SLC49A3: variants seen among roughly 807,000 people sequenced by gnomAD.
SLC49A3 encodes solute carrier family 49 member A3.
Under a neutral mutation model 43.8 loss-of-function variants are expected in SLC49A3, and 50 were observed. The observed-to-expected ratio is 1.14, with a 90% CI of 0.91 to 1.45. The LOEUF (loss-of-function observed/expected upper bound fraction) is 1.45, where lower values mean the gene tolerates loss of function less well. Ranked by LOEUF, SLC49A3 falls within the 40% of genes most tolerant of loss-of-function variation. SLC49A3 has a pLI of 0.00. For missense variants in SLC49A3, 906 were observed against 774.1 expected (o/e 1.17, Z -2.02); for synonymous variants, 413 against 352.0 (o/e 1.17, Z -1.94).
At chr4:680,076 C>A, downstream of SLC49A3, 1 of 1,387,468 alleles carries the variant, frequency 7.2e-7, no homozygotes, top group Non-Finnish European at 1.0e-6. Flanking sequence ...GTTAGAGATC[C>A]GGACATTTCA....
At chr4:690,244 G>T (rs1271672711), upstream of SLC49A3, among the ~76,000 whole-genome samples, 2 of 150,674 alleles carry the variant, frequency 1.3e-5, no homozygotes, top group Non-Finnish European at 2.9e-5. Context: ...GTCTCATCCA[G>T]TAACAAAGAG....
At chr4:686,905 G>A (rs370521724) in intron 1 of SLC49A3, among the ~76,000 whole-genome samples, 6 of 152,214 alleles carry the variant, frequency 3.9e-5, no homozygotes, top group Admixed American at 2.0e-4. Context: ...TGCCCTGACC[G>A]GGGACCAGCC....
At chr4:678,869 T>C, downstream of SLC49A3, 1 of 1,608,702 alleles carries the variant, frequency 6.2e-7, no homozygotes, top group Non-Finnish European at 8.5e-7. Flanking sequence ...AAGCCTATCC[T>C]CAGTCAGGGG....
In SLC49A3 at chr4:681,917, T is replaced by G; in HGVS notation, c.*41A>C. ...GGTGGACCAGATGTTCCAGTTCGCC[T>G]CCATCGATGTGGCGGGCAACCTGGA... On this transcript the variant is annotated 3_prime_UTR_variant, in exon 10 of 10. Coordinates refer to ENST00000322224, the MANE Select transcript of SLC49A3 (RefSeq NM_032219.4). 7.6e-7 allele frequency: 1 copy of G among 1,319,418 alleles called. No homozygotes were observed. Among genetic ancestry groups the G allele is most frequent in the Non-Finnish European group, 9.8e-7 (1 of 1,024,372 alleles). The allele number at this position is 1,319,418 out of a possible 1,614,324, so 81.7% of individuals were successfully genotyped here.
Position 684,776 on chromosome 4 carries a change from C to T in SLC49A3, c.666G>A (p.Pro222=), listed in dbSNP as rs771658038. 6.8e-6 allele frequency: 11 copies of T among 1,612,222 alleles called. No individual in the cohort carries two copies. The African/African-American group carries it at 9.3e-5, about 14-fold the overall frequency. ...ICLWESVPPT[P]PSAGAASSTS... ...TGGAGCTGGCAGCCCCGGCAGAGGGCGGGGTGGGGGGCACACTCTCCCACA... is the reference window on the plus strand; with the variant it reads ...TGGAGCTGGCAGCCCCGGCAGAGGGTGGGGTGGGGGGCACACTCTCCCACA... The change falls in exon 5 of 10, where the codon CCG becomes CCA. Residue 222 remains proline, a synonymous_variant. Transcript: ENST00000322224.
In SLC49A3 at chr4:685,168, C is replaced by T; in HGVS notation, c.586-312G>A. On this transcript the variant is annotated intron_variant, in intron 4 of 9. Coordinates refer to ENST00000322224, the MANE Select transcript of SLC49A3 (RefSeq NM_032219.4). This position sits in a 1 kb window ranked among gnomAD's most constrained non-coding sequence, Gnocchi z 4.3. The stretch of plus-strand genomic sequence containing the variant: ...ACAGCCCATGATAGGGCTCAACACA[C>T]AGACACAGGTGGGTGCAGAGGCACA... 1 of 455,738 alleles carries T rather than the reference C, an allele frequency of 2.2e-6. No homozygotes were observed. The highest frequency in any genetic ancestry group is 3.9e-6 in the Non-Finnish European group (1 of 254,460). 28.2% of individuals were successfully genotyped at this position (455,738 alleles called of 1,614,324 possible).
Position 682,145 on chromosome 4 carries a change from A to G in SLC49A3, c.1493T>C (p.Leu498Pro), listed in dbSNP as rs867847338. ...GCTCCCGGGCCCTCTGGGGTCCTCT[A>G]GCGAGGCCCCCCTCGCCGTGCACTC... ...TPECTARGAS[L>P]EDPRGPGSPH... The change falls in exon 10 of 10, where the codon CTA (leucine) becomes CCA (proline). Residue 498 changes from leucine (L) to proline (P), a missense_variant. By Grantham distance (98) the Leu-to-Pro change is moderately conservative. Transcript: ENST00000322224. 2.2e-6 allele frequency: 3 copies of G among 1,342,390 alleles called. No homozygotes were observed. The South Asian group carries it at 5.6e-5, about 25-fold the overall frequency. The allele number at this position is 1,342,390 out of a possible 1,614,324, so 83.2% of individuals were successfully genotyped here. A position where few individuals can be genotyped will look rare whatever the true frequency, so the allele number is the denominator to read the frequency against.
At chr4:690,208 CT>C (rs1377296839), upstream of SLC49A3, among the ~76,000 whole-genome samples, 1 of 151,300 alleles carries the variant, frequency 6.6e-6, no homozygotes, top group Non-Finnish European at 1.5e-5. Flanking sequence ...GAGCTCTCCA[CT>C]TTGGGATTTT....
At position 683,761 on chromosome 4, in the gene SLC49A3, C is replaced by T; in HGVS notation, c.841G>A (p.Gly281Arg). 6.4e-7 allele frequency: 1 copy of T among 1,560,178 alleles called. No homozygotes were observed. Reference sequence around the variant, plus strand: ...AGAGCGCCACAGAGGCCGGAAAACCCCTGGAGGAGGCGAGAAGAGGCCAGG... The same window carrying T: ...AGAGCGCCACAGAGGCCGGAAAACCTCTGGAGGAGGCGAGAAGAGGCCAGG... ...QILCASGHSSGFSGLCGALFI... is the reference protein window; with the variant it reads ...QILCASGHSSRFSGLCGALFI... The change falls in exon 7 of 10, where the codon GGG becomes AGG. Residue 281 changes from glycine to arginine, a missense_variant and splice_region_variant. Transcript: ENST00000322224.
At chr4:679,830 G>T, downstream of SLC49A3, 2 of 1,149,838 alleles carry the variant, frequency 1.7e-6, no homozygotes, top group Non-Finnish European at 2.6e-6. Context: ...CCATCTGCCT[G>T]CCTGGCCCTG....
downstream of SLC49A3, chr4:680,428 G>A (rs1044064095): frequency 2.8e-6 from 4 of 1,413,022 alleles, no homozygotes; most frequent in African/African-American, 1.4e-5. Flanking sequence ...TGGGGCAGGG[G>A]TCTCCCCTCC....
At chr4:679,957 AG>A (rs1560154439), downstream of SLC49A3, 1 of 1,613,782 alleles carries the variant, frequency 6.2e-7, no homozygotes, top group South Asian at 1.1e-5. Context: ...CCATGCTCAA[AG>A]AGGCCTCGGG....
chr4:679,087 T>C (rs1739159439), downstream of SLC49A3: 6 of 1,424,586 alleles, frequency 4.2e-6, no homozygotes, highest in East Asian at 1.6e-4. Context: ...AACACAGAGG[T>C]CCTCCAGCTC....
chr4:688,909 G>T, intron 1 of SLC49A3, 84 bp downstream of exon 1: 1 of 1,487,910 alleles, frequency 6.7e-7, no homozygotes, highest in South Asian at 1.3e-5. Flanking sequence ...CTGGCACCTC[G>T]GGCTGTGGCC....
At position 683,338 on chromosome 4, in the gene SLC49A3, G is replaced by T. The variant is rs762284203; in HGVS notation, c.1023C>A (p.Ala341=). The change falls in exon 8 of 10, where the codon GCC becomes GCA. Residue 341 remains alanine, a synonymous_variant. Transcript: ENST00000322224. ...CGAGCAGCGAGCAGGTGGCAGCCAG[G>T]GCAAGGGTCTGTCCCTGCAGCTGGG... ...LVSQLQGQTL[A]LAATCSLLGL... is the part of the protein sequence containing the mutation. The T allele has an allele frequency of 1.2e-6, 2 of 1,612,082 alleles. No homozygotes were observed. The highest frequency in any genetic ancestry group is 2.7e-5 in the African/African-American group (2 of 74,918).
chr4:678,278 G>A, downstream of SLC49A3: 1 of 1,454,526 alleles, frequency 6.9e-7, no homozygotes, highest in Admixed American at 2.3e-5. Context: ...AGAGTCCGGA[G>A]CAGGATGAGG....
rs773154641 is a variant in SLC49A3 at position 681,863 on chromosome 4, C to T, written c.*95G>A. ...GCGCTTGTAATTCGCTCCCGGAGCC[C>T]GCAAGGAGCCCTTTCGCCCCCGCCC... On this transcript the variant is annotated 3_prime_UTR_variant, in exon 10 of 10. Coordinates refer to ENST00000322224, the MANE Select transcript of SLC49A3 (RefSeq NM_032219.4). 1.5e-6 allele frequency: 2 copies of T among 1,308,074 alleles called. No individual in the cohort carries two copies. 81.0% of individuals were successfully genotyped at this position (1,308,074 alleles called of 1,614,324 possible).
At chr4:677,762 G>A (rs539438274), downstream of SLC49A3, among the ~76,000 whole-genome samples, 45 of 152,154 alleles carry the variant, frequency 3.0e-4, no homozygotes, top group Admixed American at 1.1e-3. Context: ...CCCGGGGTTC[G>A]GGGACAGGTG....
downstream of SLC49A3, chr4:681,135 G>A (rs1233430076): frequency 1.2e-6 from 2 of 1,605,828 alleles, no homozygotes; most frequent in African/African-American, 1.3e-5. Flanking sequence ...GATGACGGCG[G>A]AAGAGGTCTG....
Sources: allele counts gnomAD v4.1 joint callset (sites outside exome capture counted in the v4.1 genomes callset), GRCh38; gene constraint gnomAD v4.1.1; non-coding constraint Gnocchi (gnomAD v3.1); transcripts MANE v1.5; gene names NCBI Gene and HGNC (gene_info 2026-07-23, HGNC 2026-07-21).